Variants in PHF2 observed in about 807,000 individuals in gnomAD.
The protein encoded by PHF2 is PHD finger protein 2.
In PHF2, 27 loss-of-function variants were observed where a neutral mutation model predicts 120.5. The ratio of observed to expected loss-of-function variants is 0.22; its 90% CI spans 0.17 to 0.31. The LOEUF (loss-of-function observed/expected upper bound fraction) is 0.31. Among genes scored for constraint, PHF2 ranks in the 10% least tolerant of loss-of-function variants. The pLI is 1.00. For missense variants in PHF2, 1,024 were observed against 1,434.8 expected (o/e 0.71, Z 4.63); for synonymous variants, 568 against 592.5 (o/e 0.96, Z 0.60).
rs576983504 is a variant in PHF2 at position 93,605,154 on chromosome 9, G to C, written c.99-24816G>C. 2.6e-5 allele frequency among the ~76,000 whole-genome samples: 4 copies of C among 152,304 alleles called. No individual in the cohort carries two copies. The South Asian group carries it at 6.2e-4, about 24-fold the overall frequency. On this transcript the variant is annotated intron_variant, in intron 1 of 21. Transcript: ENST00000359246. ...TTATTATGATTGATGAGCCAGTATT[G>C]ATACATACTCATTAACAAAGTCTGT...
intron 1 of PHF2, among the ~76,000 whole-genome samples, chr9:93,584,492 G>A (rs1862997550): frequency 6.6e-6 from 1 of 152,174 alleles, no homozygotes; most frequent in African/African-American, 2.4e-5. Context: ...ATCATTTGTT[G>A]ATGACTATTC....
chr9:93,588,887 T>C (rs1037480294), intron 1 of PHF2, among the ~76,000 whole-genome samples: 7 of 152,084 alleles, frequency 4.6e-5, no homozygotes, highest in Non-Finnish European at 7.4e-5. Flanking sequence ...TGAGACTCTG[T>C]CTCAAAAACA....
At chr9:93,591,816 G>T (rs1825230435) in intron 1 of PHF2, among the ~76,000 whole-genome samples, 1 of 152,182 alleles carries the variant, frequency 6.6e-6, no homozygotes, top group Non-Finnish European at 1.5e-5. Flanking sequence ...TCTGTCAAGA[G>T]CCCAGTGCCC....
chr9:93,638,305 CTA>C (rs1195929806), intron 3 of PHF2, among the ~76,000 whole-genome samples: 2 of 152,262 alleles, frequency 1.3e-5, no homozygotes, highest in East Asian at 3.9e-4. Flanking sequence ...TCCAATTAAT[CTA>C]TTTTTTGTTG....
rs1199863117 is a variant in PHF2 at position 93,654,581 on chromosome 9, T to C, written c.952+6T>C. ...GACCCTCTTCATCCCCTCAGGTGAG[T>C]GCGGGCAGCTTTGGGGACCATGTAC... On this transcript the variant is annotated splice_donor_region_variant and intron_variant, in intron 7 of 21. Transcript: ENST00000359246. 3.1e-6 allele frequency: 5 copies of C among 1,611,348 alleles called. No individual in the cohort carries two copies. Among genetic ancestry groups the C allele is most frequent in the Non-Finnish European group, 4.2e-6 (5 of 1,178,556 alleles).
intron 7 of PHF2, 27 bp downstream of exon 7, chr9:93,654,602 T>C: frequency 1.2e-6 from 2 of 1,604,760 alleles, no homozygotes; most frequent in South Asian, 1.1e-5. Context: ...TTGGGGACCA[T>C]GTACTAGGGC....
chr9:93,618,825 T>C (rs1426969410), intron 1 of PHF2, among the ~76,000 whole-genome samples: 1 of 6,576 alleles, frequency 1.5e-4, no homozygotes, highest in Non-Finnish European at 3.5e-4. Flanking sequence ...TCTGCATGTG[T>C]GATGTGTGTG....
At position 93,656,116 on chromosome 9, in the gene PHF2, A is replaced by T; in HGVS notation, c.1040+95A>T. 4 of 978,844 alleles carry T rather than the reference A, an allele frequency of 4.1e-6. No homozygotes were observed. Among genetic ancestry groups the T allele is most frequent in the Non-Finnish European group, 6.2e-6 (4 of 642,226 alleles). 60.6% of individuals were successfully genotyped at this position (978,844 alleles called of 1,614,324 possible). A position where few individuals can be genotyped will look rare whatever the true frequency, so the allele number is the denominator to read the frequency against. ...TAGATGCCTTGGGCTGAGTCCTGGCACAGCCCGCCTGTGGGTGGCCTGGAC... is the reference window on the plus strand; with the variant it reads ...TAGATGCCTTGGGCTGAGTCCTGGCTCAGCCCGCCTGTGGGTGGCCTGGAC... On this transcript the variant is annotated intron_variant, in intron 8 of 21. Coordinates refer to ENST00000359246, the MANE Select transcript of PHF2 (RefSeq NM_005392.4). This position sits in a 1 kb window ranked among gnomAD's most constrained non-coding sequence, Gnocchi z 4.1.
chr9:93,668,992 G>A (rs1826732643), intron 17 of PHF2, among the ~76,000 whole-genome samples: 1 of 152,242 alleles, frequency 6.6e-6, no homozygotes. Flanking sequence ...TGAATAGTTT[G>A]CTCAGTGTTT....
At chr9:93,652,941 A>G (rs1826393635) in intron 5 of PHF2, among the ~76,000 whole-genome samples, 1 of 152,176 alleles carries the variant, frequency 6.6e-6, no homozygotes, top group Admixed American at 6.5e-5. Context: ...CCTTCTCATT[A>G]TCTTCTGGGG....
rs552631412 is a variant in PHF2, at chr9:93,586,983, G to T, written c.98+10112G>T. On this transcript the variant is annotated intron_variant, in intron 1 of 21. Transcript: ENST00000359246. ...CCCCAAATGAGGGGAGATATGGTTA[G>T]GGAGGCACCTTGGCCTGTTGGCCAT... 2.6e-3 allele frequency among the ~76,000 whole-genome samples: 400 copies of T among 152,348 alleles called. 2 individuals are homozygous for T. Among genetic ancestry groups the T allele is most frequent in the African/African-American group, 9.2e-3 (382 of 41,576 alleles).
chr9:93,608,938 C>T (rs956398284), intron 1 of PHF2, among the ~76,000 whole-genome samples: 8 of 151,612 alleles, frequency 5.3e-5, no homozygotes, highest in African/African-American at 1.7e-4. Flanking sequence ...GTATTTGTTA[C>T]TGTTTCCTGT....
intron 7 of PHF2, 89 bp from the exon 8 acceptor site, chr9:93,655,845 C>A: frequency 2.1e-6 from 2 of 932,748 alleles, no homozygotes; most frequent in South Asian, 1.5e-5. Flanking sequence ...AAGGCCTGTG[C>A]TGGTCTCCGC....
At chr9:93,621,471 A>T (rs974825132) in intron 1 of PHF2, among the ~76,000 whole-genome samples, 1 of 152,188 alleles carries the variant, frequency 6.6e-6, no homozygotes, top group African/African-American at 2.4e-5. Flanking sequence ...CTCCCAGCAG[A>T]TGGCCCAGGG....
Position 93,649,653 on chromosome 9 carries a change from C to G in PHF2, c.602+441C>G, listed in dbSNP as rs141711365. On this transcript the variant is annotated intron_variant, in intron 5 of 21. Coordinates refer to ENST00000359246, the MANE Select transcript of PHF2 (RefSeq NM_005392.4). ...ACATTCACGCTTACTCATGGACACA[C>G]CAACACTCATGACACCCACTCGTGG... Among the ~76,000 whole-genome samples the G allele has an allele frequency of 1.2e-3, 186 of 150,032 alleles. 1 individual carries two copies. The highest frequency in any genetic ancestry group is 5.6e-3 in the Admixed American group (84 of 14,936).
At chr9:93,618,844 G>GT (rs1564383259) in intron 1 of PHF2, among the ~76,000 whole-genome samples, 1 of 1,698 alleles carries the variant, frequency 5.9e-4, no homozygotes, top group Non-Finnish European at 1.3e-3. Context: ...TGGTGTGTGT[G>GT]TGTGCCTGTG....
intron 12 of PHF2, among the ~76,000 whole-genome samples, chr9:93,661,293 T>C (rs1351878276): frequency 1.3e-5 from 2 of 152,162 alleles, no homozygotes; most frequent in African/African-American, 4.8e-5. Context: ...GCCAGGAAAC[T>C]TCAGGGCCGG....
intron 12 of PHF2, among the ~76,000 whole-genome samples, 168 bp downstream of exon 12, chr9:93,660,728 T>C (rs367812098): frequency 6.6e-6 from 1 of 152,190 alleles, no homozygotes; most frequent in Non-Finnish European, 1.5e-5. Flanking sequence ...GCCCAGAAGA[T>C]GCACTTCCTT....
chr9:93,656,517 C>A lies in PHF2; in HGVS notation c.1069C>A (p.Leu357Met). 1 of 1,613,812 alleles carries A rather than the reference C, an allele frequency of 6.2e-7. No individual in the cohort carries two copies. The highest frequency in any genetic ancestry group is 8.5e-7 in the Non-Finnish European group (1 of 1,179,856). The stretch of plus-strand genomic sequence containing the variant: ...ATATGAAGTGGAAAGGAGGTTGAAA[C>A]TGGGCAGCCTGACTCAGTTTCCCAA... ...RAYEVERRLK[L>M]GSLTQFPNFE... Residue 357 changes from leucine (L) to methionine (M), a missense_variant, in exon 9 of 22, where the codon CTG becomes ATG. Around this residue, in one of 2 missense-constraint regions of PHF2, gnomAD observed 347 missense variants for 577.4 expected, o/e 0.60. Transcript: ENST00000359246. The surrounding 1 kb of genome is among the most constrained non-coding windows in gnomAD (Gnocchi z 4.1).
Sources: gnomAD v4.1 joint callset for allele counts (sites outside exome capture counted in the v4.1 genomes callset) on GRCh38, gnomAD v4.1.1 for gene constraint, gnomAD v4.1.1 regional missense constraint, Gnocchi (gnomAD v3.1) non-coding constraint, MANE v1.5 for transcripts, NCBI Gene and HGNC (gene_info 2026-07-23, HGNC 2026-07-21) for gene names.